Variants in DNAH17 observed in about 807,000 individuals in gnomAD.
DNAH17 encodes the protein dynein axonemal heavy chain 17.
DNAH17 carries 376 observed loss-of-function variants against 485.6 expected under a neutral mutation model. The observed-to-expected ratio is 0.77, with a 90% CI of 0.71 to 0.84. The LOEUF (loss-of-function observed/expected upper bound fraction) is 0.84. DNAH17 is among the 40% of genes least tolerant of loss of function. The pLI is 0.00. For synonymous variants in DNAH17, 3,031 were observed against 2,405.9 expected (o/e 1.26, Z -7.60); for missense variants, 6,370 against 5,839.3 (o/e 1.09, Z -2.96).
chr17:78,456,951 T>G (rs1183936836), intron 62 of DNAH17, among the ~76,000 whole-genome samples: 1 of 152,182 alleles, frequency 6.6e-6, no homozygotes, highest in Non-Finnish European at 1.5e-5. Context: ...CTGCTGAGGC[T>G]CCGGGTGCTC....
At chr17:78,545,883 T>C (rs2091747302) in intron 16 of DNAH17, among the ~76,000 whole-genome samples, 1 of 152,250 alleles carries the variant, frequency 6.6e-6, no homozygotes, top group Non-Finnish European at 1.5e-5. Context: ...TATATATTTT[T>C]GCCTCTAGTT....
chr17:78,431,555 T>G lies in DNAH17; in HGVS notation c.12226-2255A>C, dbSNP rs534237366. On this transcript the variant is annotated intron_variant, in intron 75 of 80. Coordinates refer to ENST00000389840, the MANE Select transcript of DNAH17 (RefSeq NM_173628.4). ...AGCAACGTTCCATCAGACTTTTGTG[T>G]TCCGTTCGCATGGGAATCCCTGATC... Among the ~76,000 whole-genome samples the G allele has an allele frequency of 1.1e-4, 17 of 152,076 alleles. No homozygotes were observed. In the South Asian group the frequency reaches 2.5e-3, roughly 22 times the overall value.
intron 38 of DNAH17, among the ~76,000 whole-genome samples, chr17:78,495,507 G>C (rs974235292): frequency 6.7e-6 from 1 of 149,176 alleles, no homozygotes; most frequent in South Asian, 2.2e-4. Context: ...GTGCCATCCC[G>C]GCTCACTGCA....
chr17:78,456,021 C>T (rs1452879509), intron 62 of DNAH17, among the ~76,000 whole-genome samples, 185 bp from the exon 63 acceptor site: 3 of 152,060 alleles, frequency 2.0e-5, no homozygotes, highest in African/African-American at 7.2e-5. Flanking sequence ...GCTTTGTGGC[C>T]GGGCGTGGTG....
intron 17 of DNAH17, among the ~76,000 whole-genome samples, chr17:78,540,439 A>ATGGGTGGG (rs1263326552): frequency 5.4e-4 from 8 of 14,784 alleles, no homozygotes; most frequent in African/African-American, 2.0e-3. Context: ...GGATGGATGG[A>ATGGGTGGG]TGGATGGATG....
intron 75 of DNAH17, among the ~76,000 whole-genome samples, chr17:78,433,219 G>C (rs1239424103): frequency 1.3e-5 from 2 of 152,220 alleles, no homozygotes; most frequent in African/African-American, 4.8e-5. Context: ...TCAAAGCTTC[G>C]TAAGAACCGT....
intron 46 of DNAH17, 48 bp downstream of exon 46, chr17:78,485,912 T>C (rs1330265390): frequency 6.3e-7 from 1 of 1,597,446 alleles, no homozygotes; most frequent in South Asian, 1.1e-5. Context: ...CTGCACCGAT[T>C]CCTGCCTCTA....
In DNAH17 at chr17:78,429,289, G is replaced by T. The variant is rs115584134; in HGVS notation, c.12237C>A (p.Asp4079Glu). The T allele has an allele frequency of 6.4e-4, 1,039 of 1,613,498 alleles. 1 individual carries two copies. Among genetic ancestry groups the T allele is most frequent in the Non-Finnish European group, 8.3e-4 (983 of 1,179,628 alleles). ...TTTCACCAAAAAGGTAGCGGAGATC[G>T]TCCCAGGGCACCTGAGGAAGGATGA... ...YLEANPKVPW[D>E]DLRYLFGEIM... Residue 4079 changes from aspartate to glutamate, a missense_variant, in exon 76 of 81, where the codon GAC (aspartate) becomes GAA (glutamate). Coordinates refer to ENST00000389840, the MANE Select transcript of DNAH17 (RefSeq NM_173628.4).
At chr17:78,561,435 C>T (rs2092151750) in intron 12 of DNAH17, among the ~76,000 whole-genome samples, 2 of 152,100 alleles carry the variant, frequency 1.3e-5, no homozygotes, top group Non-Finnish European at 2.9e-5. Flanking sequence ...GCTCAGTCAG[C>T]TGCATACACA....
At position 78,504,894 on chromosome 17, in the gene DNAH17, C is replaced by CT. The variant is rs66596656; in HGVS notation, c.4956+398dup. ...AAAGGATTCAATGATATTAACAGGG[C>CT]TTTTTTTTTTTTTTTTTTTTTTTTT... is the stretch of plus-strand genomic sequence containing the variant. On this transcript the variant is annotated intron_variant, in intron 31 of 80. Coordinates refer to ENST00000389840, the MANE Select transcript of DNAH17 (RefSeq NM_173628.4). Among the ~76,000 whole-genome samples the CT allele has an allele frequency of 4.4e-3, 259 of 58,980 alleles. 31 individuals are homozygous for CT. The highest frequency in any genetic ancestry group is 5.3e-3 in the Non-Finnish European group (184 of 34,450). The allele number at this position is 58,980 out of a possible 152,430, so 38.7% of individuals were successfully genotyped here. A position where few individuals can be genotyped will look rare whatever the true frequency, so the allele number is the denominator to read the frequency against.
intron 27 of DNAH17, among the ~76,000 whole-genome samples, chr17:78,510,054 C>T (rs1465745608): frequency 6.6e-6 from 1 of 152,086 alleles, no homozygotes. Flanking sequence ...TGGTGGTGCA[C>T]ACCTGTAATC....
chr17:78,573,597 C>CAAAAAA (rs112944174), intron 2 of DNAH17, among the ~76,000 whole-genome samples: 26 of 119,556 alleles, frequency 2.2e-4, no homozygotes, highest in African/African-American at 7.2e-4. Context: ...AAAATACTGT[C>CAAAAAA]AAAAAAAAAA....
At chr17:78,452,290 A>C (rs1483989608) in intron 65 of DNAH17, among the ~76,000 whole-genome samples, 1 of 152,124 alleles carries the variant, frequency 6.6e-6, no homozygotes, top group Admixed American at 6.5e-5. Context: ...AAGTAGATTT[A>C]ATTTTTTAAA....
chr17:78,574,569 G>A (rs1262777138), intron 2 of DNAH17, 144 bp downstream of exon 2: 6 of 694,474 alleles, frequency 8.6e-6, no homozygotes, highest in Non-Finnish European at 1.4e-5. Context: ...GGTGGACGGG[G>A]CCCGAGCGCC....
Position 78,502,712 on chromosome 17 carries a change from C to T in DNAH17, c.5083-14G>A, listed in dbSNP as rs2090341925. 1 of 1,607,164 alleles carries T rather than the reference C, an allele frequency of 6.2e-7. No individual in the cohort carries two copies. The highest frequency in any genetic ancestry group is 2.2e-5 in the East Asian group (1 of 44,836). ...AGTCAGGGCCACCTGAAAGTACATA[C>T]CCCCCATTGCCCACGCAGTGAGCGA... On this transcript the variant is annotated splice_polypyrimidine_tract_variant and intron_variant, in intron 32 of 80. Transcript: ENST00000389840.
intron 69 of DNAH17, among the ~76,000 whole-genome samples, chr17:78,448,136 C>T (rs2087390923): frequency 6.6e-6 from 1 of 151,586 alleles, no homozygotes; most frequent in Non-Finnish European, 1.5e-5. Context: ...TGCACCATTG[C>T]ACCCCAGCCC....
chr17:78,431,026 A>G (rs1003296636), intron 75 of DNAH17, among the ~76,000 whole-genome samples: 1 of 151,202 alleles, frequency 6.6e-6, no homozygotes, highest in Non-Finnish European at 1.5e-5. Flanking sequence ...GCCTACAGTC[A>G]CACCACCATG....
chr17:78,510,368 C>T lies in DNAH17; in HGVS notation c.4236+16G>A, dbSNP rs377005886. The T allele has an allele frequency of 4.6e-5, 74 of 1,610,932 alleles. No homozygotes were observed. The highest frequency in any genetic ancestry group is 1.5e-4 in the African/African-American group (11 of 74,844). ...TGATCCCACGTTGCACAGACAGCAC[C>T]GCCAGCACGGCCTACCTTTTCCATG... is the stretch of plus-strand genomic sequence containing the variant. On this transcript the variant is annotated intron_variant, in intron 27 of 80. Coordinates refer to ENST00000389840, the MANE Select transcript of DNAH17 (RefSeq NM_173628.4).
At chr17:78,564,605 T>TCCAC (rs999098032) in intron 11 of DNAH17, among the ~76,000 whole-genome samples, 1 of 152,098 alleles carries the variant, frequency 6.6e-6, no homozygotes, top group African/African-American at 2.4e-5. Context: ...CTTCAGGGGC[T>TCCAC]CCACGTGGAA....
Sources: gnomAD v4.1 joint callset for allele counts (sites outside exome capture counted in the v4.1 genomes callset) on GRCh38, gnomAD v4.1.1 for gene constraint, MANE v1.5 for transcripts, NCBI Gene and HGNC (gene_info 2026-07-23, HGNC 2026-07-21) for gene names.